The following TRIO variants were observed in gnomAD, a reference collection of about 807,000 sequenced individuals.
TRIO encodes triple functional domain protein.
In TRIO, 58 loss-of-function variants were observed where a neutral mutation model predicts 351.9. That is an observed-to-expected ratio of 0.16 (90% CI 0.13 to 0.21). TRIO has a LOEUF of 0.21. Among genes scored for constraint, TRIO ranks in the 10% least tolerant of loss-of-function variants. The pLI, the probability that TRIO is intolerant of heterozygous loss-of-function variation, is 1.00. For missense variants in TRIO, 3,201 were observed against 4,027.8 expected (o/e 0.79, Z 5.56); for synonymous variants, 1,758 against 1,595.7 (o/e 1.10, Z -2.42).
At chr5:14,185,825 GA>G (rs2152142972) in intron 1 of TRIO, among the ~76,000 whole-genome samples, 2 of 152,262 alleles carry the variant, frequency 1.3e-5, no homozygotes, top group South Asian at 4.1e-4. Context: ...CTTACCCAGG[GA>G]TAGTCTAGTT....
At chr5:14,399,903 GA>G (rs1294613279) in intron 30 of TRIO, among the ~76,000 whole-genome samples, 4 of 152,334 alleles carry the variant, frequency 2.6e-5, no homozygotes, top group African/African-American at 9.6e-5. Context: ...AAAATGCCAA[GA>G]AGGTGGGTTT....
At chr5:14,281,676 G>A (rs1340098508) in intron 3 of TRIO, among the ~76,000 whole-genome samples, 2 of 152,148 alleles carry the variant, frequency 1.3e-5, no homozygotes, top group Non-Finnish European at 2.9e-5. Context: ...TATGAGGAAA[G>A]GGTGAGTCCT....
At chr5:14,424,786 G>C (rs1174139587) in intron 34 of TRIO, among the ~76,000 whole-genome samples, 1 of 152,210 alleles carries the variant, frequency 6.6e-6, no homozygotes, top group African/African-American at 2.4e-5. Context: ...AAATGAGAAA[G>C]AGACATATTT....
Position 14,508,781 on chromosome 5 carries a change from C to G in TRIO, c.*359C>G. The G allele has an allele frequency of 4.7e-6, 1 of 210,670 alleles. No individual in the cohort carries two copies. Among genetic ancestry groups the G allele is most frequent in the Non-Finnish European group, 9.6e-6 (1 of 104,196 alleles). 13.1% of individuals were successfully genotyped at this position (210,670 alleles called of 1,614,324 possible). On this transcript the variant is annotated 3_prime_UTR_variant, in exon 57 of 57. Transcript: ENST00000344204. ...GAAACAAAATGCCTATGTTCAACCA[C>G]TGGTGTTAATGAACAAAGATACTGT... is the stretch of plus-strand genomic sequence containing the variant.
intron 2 of TRIO, among the ~76,000 whole-genome samples, chr5:14,273,668 T>C (rs988089380): frequency 1.3e-5 from 2 of 152,208 alleles, no homozygotes; most frequent in Non-Finnish European, 1.5e-5. Flanking sequence ...CTTCTGCCCA[T>C]GGAGGATGCA....
In TRIO at chr5:14,273,629, C is replaced by T. The variant is rs149087; in HGVS notation, c.232+2730C>T. On this transcript the variant is annotated intron_variant, in intron 2 of 56. Transcript: ENST00000344204. ...CTTATAAAGAGGCTTTACCCTTGCCCTTCAGCCATATGAGGACGCAGCATT... is the reference window on the plus strand; with the variant it reads ...CTTATAAAGAGGCTTTACCCTTGCCTTTCAGCCATATGAGGACGCAGCATT... Among the ~76,000 whole-genome samples the T allele has an allele frequency of 9.4e-3, 1,435 of 152,326 alleles. 14 individuals carry two copies. Among genetic ancestry groups the T allele is most frequent in the South Asian group, 0.024 (117 of 4,822 alleles).
chr5:14,265,598 C>T (rs2152265717), intron 1 of TRIO, among the ~76,000 whole-genome samples: 1 of 152,036 alleles, frequency 6.6e-6, no homozygotes, highest in East Asian at 1.9e-4. Flanking sequence ...GCTTGTTGTT[C>T]CTGGACTATT....
chr5:14,283,785 A>G (rs1285353832), intron 3 of TRIO, among the ~76,000 whole-genome samples: 1 of 151,982 alleles, frequency 6.6e-6, no homozygotes, highest in African/African-American at 2.4e-5. Flanking sequence ...CAAACAAACA[A>G]TTGTAGTAAC....
At chr5:14,320,527 C>T (rs551999157) in intron 9 of TRIO, among the ~76,000 whole-genome samples, 3 of 152,252 alleles carry the variant, frequency 2.0e-5, no homozygotes, top group South Asian at 2.1e-4. Flanking sequence ...CATGTGTGAG[C>T]GCCACCCCCT....
chr5:14,293,913 C>G (rs969814296), intron 6 of TRIO, among the ~76,000 whole-genome samples: 1 of 152,034 alleles, frequency 6.6e-6, no homozygotes, highest in African/African-American at 2.4e-5. Context: ...TTTAAGCCAG[C>G]CTTGTGAGGA....
intron 1 of TRIO, among the ~76,000 whole-genome samples, chr5:14,252,602 A>G (rs1209569761): frequency 1.3e-5 from 2 of 152,254 alleles, no homozygotes; most frequent in African/African-American, 4.8e-5. Context: ...AGGAGAGCCC[A>G]GGAAACAATT....
chr5:14,479,408 T>TA, intron 42 of TRIO, 58 bp downstream of exon 42: 2 of 1,480,684 alleles, frequency 1.4e-6, no homozygotes, highest in East Asian at 4.6e-5. Flanking sequence ...AACTTATTTC[T>TA]AAAAATGAAA....
intron 1 of TRIO, among the ~76,000 whole-genome samples, chr5:14,173,623 C>T (rs1789237415): frequency 6.6e-6 from 1 of 152,154 alleles, no homozygotes; most frequent in African/African-American, 2.4e-5. Flanking sequence ...TCCTAGGAGG[C>T]TACAGGCAAT....
intron 8 of TRIO, among the ~76,000 whole-genome samples, chr5:14,316,140 C>A (rs917286467): frequency 6.6e-6 from 1 of 152,136 alleles, no homozygotes; most frequent in Non-Finnish European, 1.5e-5. Flanking sequence ...TTTTAATTTG[C>A]AGATATCCCA....
chr5:14,381,144 C>G lies in TRIO; in HGVS notation c.3462C>G (p.Ile1154Met). Residue 1154 changes from isoleucine to methionine, a missense_variant, in exon 21 of 57, where the codon ATC (isoleucine) becomes ATG (methionine). Ile to Met is a conservative substitution (Grantham distance 10). This residue lies in a region of TRIO where 201 missense variants were observed against 266.5 expected (regional missense o/e 0.75). Transcript: ENST00000344204. ...TCCCCTTCCAGGCTTTGGAATGGAT[C>G]CATGACAATGGCGAGTTCTACCTTT... The part of the protein sequence containing the change: ...ERSAKQALEW[I>M]HDNGEFYLST... 1 of 1,613,968 alleles carries G rather than the reference C, an allele frequency of 6.2e-7. No homozygotes were observed. Among genetic ancestry groups the G allele is most frequent in the Non-Finnish European group, 8.5e-7 (1 of 1,179,942 alleles).
rs1744918379 is a variant in TRIO at position 14,369,744 on chromosome 5, A to G, written c.3216+221A>G. 2.0e-5 allele frequency among the ~76,000 whole-genome samples: 3 copies of G among 152,248 alleles called. No homozygotes were observed. The South Asian group carries it at 6.2e-4, about 32-fold the overall frequency. Reference sequence around the variant, plus strand: ...TTGTCTTTCTAGTTTTCACAGGGAAATAGCTAAAAATCTGTATGAGTAAGG... The same window carrying G: ...TTGTCTTTCTAGTTTTCACAGGGAAGTAGCTAAAAATCTGTATGAGTAAGG... On this transcript the variant is annotated intron_variant, in intron 18 of 56. Coordinates refer to ENST00000344204, the MANE Select transcript of TRIO (RefSeq NM_007118.4).
At chr5:14,371,075 T>TA (rs1441251108) in intron 18 of TRIO, among the ~76,000 whole-genome samples, 1 of 152,210 alleles carries the variant, frequency 6.6e-6, no homozygotes, top group African/African-American at 2.4e-5. Flanking sequence ...TTCAATGAAT[T>TA]ACATGGGATT....
intron 1 of TRIO, among the ~76,000 whole-genome samples, chr5:14,161,850 C>T (rs1216489056): frequency 6.6e-6 from 1 of 152,158 alleles, no homozygotes; most frequent in Non-Finnish European, 1.5e-5. Context: ...CCTTAGCCTC[C>T]TGAGTAGCTG....
In TRIO at chr5:14,435,446, T is replaced by G. The variant is rs568778763; in HGVS notation, c.5203+15425T>G. 2.0e-5 allele frequency among the ~76,000 whole-genome samples: 3 copies of G among 152,310 alleles called. No homozygotes were observed. The East Asian group carries it at 5.8e-4, about 29-fold the overall frequency. On this transcript the variant is annotated intron_variant, in intron 34 of 56. Transcript: ENST00000344204. ...CTGCAGCATTTCCCCCACTGTAAAG[T>G]TACTGTTTTTCTCTTTGTAATTAAT...
Sources: allele counts gnomAD v4.1 joint callset (sites outside exome capture counted in the v4.1 genomes callset), GRCh38; gene constraint gnomAD v4.1.1; regional missense constraint gnomAD v4.1.1; transcripts MANE v1.5; gene names NCBI Gene and HGNC (gene_info 2026-07-23, HGNC 2026-07-21).